Variants in GCAT observed in about 807,000 individuals in gnomAD.
The protein encoded by GCAT is 2-amino-3-ketobutyrate coenzyme A ligase, mitochondrial.
In GCAT, 26 loss-of-function variants were observed where a neutral mutation model predicts 39.7. The ratio of observed to expected loss-of-function variants is 0.65; its 90% CI spans 0.48 to 0.91. GCAT has a LOEUF of 0.91. Among genes scored for constraint, GCAT ranks in the 40% least tolerant of loss-of-function variants. GCAT has a pLI of 0.00. For synonymous variants in GCAT, 218 were observed against 237.2 expected (o/e 0.92, Z 0.74); for missense variants, 550 against 576.2 (o/e 0.95, Z 0.47).
chr22:37,814,949 G>A (rs1015956922), intron 4 of GCAT, among the ~76,000 whole-genome samples, 177 bp from the exon 5 acceptor site: 14 of 152,168 alleles, frequency 9.2e-5, no homozygotes, highest in Non-Finnish European at 1.8e-4. Context: ...GATGGGTGAC[G>A]CTGAGAGGCA....
At chr22:37,811,660 T>C (rs1921608987) in intron 2 of GCAT, among the ~76,000 whole-genome samples, 1 of 151,608 alleles carries the variant, frequency 6.6e-6, no homozygotes, top group Non-Finnish European at 1.5e-5. Flanking sequence ...TGGCCAGGCG[T>C]GGTGGCTTAT....
Position 37,815,237 on chromosome 22 carries a change from A to T in GCAT, c.688A>T (p.Met230Leu). Residue 230 changes from methionine to leucine, a missense_variant, in exon 5 of 9, where the codon ATG (methionine) becomes TTG (leucine). This residue lies in a region of GCAT where 378 missense variants were observed against 390.4 expected (regional missense o/e 0.97). Coordinates refer to ENST00000248924, the MANE Select transcript of GCAT (RefSeq NM_014291.4). ...CTCTAGATATGGTGCCCTGGTCTTC[A>T]TGGATGAATGCCATGCCACTGGCTT... ...LASRYGALVF[M>L]DECHATGFLG... The T allele has an allele frequency of 6.2e-7, 1 of 1,614,044 alleles. No homozygotes were observed. The highest frequency in any genetic ancestry group is 8.5e-7 in the Non-Finnish European group (1 of 1,179,996).
chr22:37,808,240 G>T, intron 1 of GCAT, 77 bp downstream of exon 1: 2 of 1,199,184 alleles, frequency 1.7e-6, no homozygotes, highest in Non-Finnish European at 1.1e-6. Context: ...AGGTGGGGGT[G>T]GGCGGCTCCT....
In GCAT at chr22:37,816,295, G is replaced by C. The variant is rs113961840; in HGVS notation, c.1082G>C (p.Arg361Pro). The C allele has an allele frequency of 1.9e-4, 313 of 1,612,216 alleles. No individual in the cohort carries two copies. The African/African-American group carries it at 3.7e-3, about 19-fold the overall frequency. ...VMLGDARLAS[R>P]MADDMLKRGI... is the part of the protein sequence containing the mutation. ...CTGGGTGATGCCCGGCTGGCCTCTCGCATGGCGGATGACATGCTGAAGAGA... is the reference window on the plus strand; with the variant it reads ...CTGGGTGATGCCCGGCTGGCCTCTCCCATGGCGGATGACATGCTGAAGAGA... Residue 361 changes from arginine to proline, a missense_variant, in exon 8 of 9, where the codon CGC (arginine) becomes CCC (proline). Around this residue, in one of 3 missense-constraint regions of GCAT, gnomAD observed 378 missense variants for 390.4 expected, o/e 0.97. Transcript: ENST00000248924.
chr22:37,814,200 G>C (rs80261692), intron 4 of GCAT, among the ~76,000 whole-genome samples: 3,826 of 152,128 alleles, frequency 0.025, 159 homozygotes, highest in African/African-American at 0.084. Flanking sequence ...TTCTGGACTC[G>C]AGCGATCCTC....
chr22:37,808,225 C>T (rs1921186083), intron 1 of GCAT, 62 bp downstream of exon 1: 6 of 1,329,704 alleles, frequency 4.5e-6, no homozygotes, highest in Non-Finnish European at 6.0e-6. Flanking sequence ...GAATGGAGGT[C>T]CTGGAGGTGG....
intron 4 of GCAT, among the ~76,000 whole-genome samples, chr22:37,814,508 C>A (rs1921945558): frequency 6.6e-6 from 1 of 152,200 alleles, no homozygotes; most frequent in African/African-American, 2.4e-5. Context: ...GGTGATCTAC[C>A]TGTCTCAGCC....
chr22:37,813,689 A>G, intron 4 of GCAT, 80 bp downstream of exon 4: 1 of 1,317,242 alleles, frequency 7.6e-7, no homozygotes, highest in Non-Finnish European at 1.0e-6. Context: ...CCTCACTCAC[A>G]GAGATAGCCT....
At position 37,815,269 on chromosome 22, in the gene GCAT, G is replaced by T. The variant is rs1006542051; in HGVS notation, c.720G>T (p.Gly240=). ...AATGCCATGCCACTGGCTTCCTGGG[G>T]CCCACAGGACGGTGGGACCATGTGG... The part of the protein sequence containing the change: ...MDECHATGFL[G]PTGRGTDELL... Residue 240 remains glycine (G), a synonymous_variant, in exon 5 of 9, where the codon GGG becomes GGT. Coordinates refer to ENST00000248924, the MANE Select transcript of GCAT (RefSeq NM_014291.4). 2 of 1,613,700 alleles carry T rather than the reference G, an allele frequency of 1.2e-6. No individual in the cohort carries two copies. Among genetic ancestry groups the T allele is most frequent in the East Asian group, 4.5e-5 (2 of 44,864 alleles).
At chr22:37,811,130 G>A (rs575414084) in intron 2 of GCAT, among the ~76,000 whole-genome samples, 1 of 152,190 alleles carries the variant, frequency 6.6e-6, no homozygotes, top group East Asian at 1.9e-4. Flanking sequence ...ACTTCATAGG[G>A]AAAATGAAGA....
chr22:37,810,674 C>T (rs1430188849), intron 2 of GCAT, among the ~76,000 whole-genome samples: 1 of 152,066 alleles, frequency 6.6e-6, no homozygotes, highest in African/African-American at 2.4e-5. Flanking sequence ...TACCACCACT[C>T]CCGGCTAATT....
chr22:37,815,387 C>G, intron 5 of GCAT, 31 bp from the exon 6 acceptor site: 3 of 1,601,116 alleles, frequency 1.9e-6, no homozygotes, highest in Non-Finnish European at 2.6e-6. Context: ...TCTCAGGAGG[C>G]CAGTGACAGC....
chr22:37,815,605 G>A, intron 6 of GCAT, 58 bp from the exon 7 acceptor site: 1 of 1,490,610 alleles, frequency 6.7e-7, no homozygotes, highest in Non-Finnish European at 9.3e-7. Flanking sequence ...TCAGGAGGGG[G>A]TTGGGTAGGC....
At chr22:37,813,323 G>A (rs750751950) in intron 3 of GCAT, 140 bp from the exon 4 acceptor site, 2 of 959,148 alleles carry the variant, frequency 2.1e-6, no homozygotes, top group East Asian at 2.6e-5. Flanking sequence ...GGGCCCCAGA[G>A]AGAAGCACAG....
At chr22:37,809,646 C>T (rs1174717413) in intron 1 of GCAT, among the ~76,000 whole-genome samples, 1 of 151,848 alleles carries the variant, frequency 6.6e-6, no homozygotes, top group African/African-American at 2.4e-5. Flanking sequence ...ATAATGAGAC[C>T]CCATCTCTAC....
At chr22:37,811,656 G>C (rs1168043105) in intron 2 of GCAT, among the ~76,000 whole-genome samples, 3 of 151,744 alleles carry the variant, frequency 2.0e-5, no homozygotes, top group Non-Finnish European at 4.4e-5. Flanking sequence ...CTATTGGCCA[G>C]GCGTGGTGGC....
chr22:37,808,270 C>A, intron 1 of GCAT, 107 bp downstream of exon 1: 2 of 848,358 alleles, frequency 2.4e-6, no homozygotes, highest in Non-Finnish European at 3.4e-6. Flanking sequence ...GCTACTGTTC[C>A]CCTTCGCATC....
At position 37,810,067 on chromosome 22, in the gene GCAT, C is replaced by T. The variant is rs974740332; in HGVS notation, c.237C>T (p.Ser79=). 3 of 1,613,886 alleles carry T rather than the reference C, an allele frequency of 1.9e-6. No individual in the cohort carries two copies. Among genetic ancestry groups the T allele is most frequent in the Non-Finnish European group, 2.5e-6 (3 of 1,179,838 alleles). The change falls in exon 2 of 9, where the codon AGC becomes AGT. Residue 79 remains serine (S), a synonymous_variant. Transcript: ENST00000248924. ...NFCANNYLGL[S]SHPEVIQAGL... ...GTGCCAACAACTACCTGGGCCTGAGCAGCCACCCTGAGGTGATCCAGGCAG... is the reference window on the plus strand; with the variant it reads ...GTGCCAACAACTACCTGGGCCTGAGTAGCCACCCTGAGGTGATCCAGGCAG...
rs1225473929 is a variant in GCAT, at chr22:37,815,698, CT to C, written c.851del (p.Leu284ArgfsTer27). 1 of 1,613,438 alleles carries C rather than the reference CT, an allele frequency of 6.2e-7. No homozygotes were observed. ...GACAGGGCCTGGGCCCCTGGTGTCC[CT>C]GCTGCGGCAGCGCGCCCGGCCATAC... ...YTTGPGPLVS[L>X]LRQRARPYLF... On this transcript the variant is annotated frameshift_variant, in exon 7 of 9. Transcript: ENST00000248924. LOFTEE classifies it high-confidence loss of function.
Sources: allele counts gnomAD v4.1 joint callset (sites outside exome capture counted in the v4.1 genomes callset), GRCh38; gene constraint gnomAD v4.1.1; regional missense constraint gnomAD v4.1.1; transcripts MANE v1.5; gene names NCBI Gene and HGNC (gene_info 2026-07-23, HGNC 2026-07-21).